Variants in OGN observed in about 807,000 individuals in gnomAD.
The protein encoded by OGN is mimecan.
OGN carries 19 observed loss-of-function variants against 30.8 expected under a neutral mutation model. The ratio of observed to expected loss-of-function variants is 0.62; its 90% CI spans 0.43 to 0.90. OGN has a LOEUF of 0.90. Among genes scored for constraint, OGN ranks in the 40% least tolerant of loss-of-function variants. The probability of loss-of-function intolerance (pLI) is 0.00; values close to 1 mark genes in which losing one functional copy is unlikely to be tolerated. For missense variants in OGN, 283 were observed against 349.7 expected, an observed-to-expected ratio of 0.81 and a Z score of 1.52; for synonymous variants, 126 against 128.3, an observed-to-expected ratio of 0.98 and a Z score of 0.12.
At chr9:92,386,174 C>A in intron 6 of OGN, 27 bp downstream of exon 6, 1 of 1,476,724 alleles carries the variant, frequency 6.8e-7, no homozygotes, top group South Asian at 1.1e-5. Flanking sequence ...TAATTAGAGT[C>A]AGATATTGTG....
At chr9:92,401,028 G>T in intron 3 of OGN, 64 bp downstream of exon 3, 1 of 766,962 alleles carries the variant, frequency 1.3e-6, no homozygotes, top group Non-Finnish European at 2.2e-6. Flanking sequence ...ATTACCACAA[G>T]GAATAAAGTC....
intron 3 of OGN, among the ~76,000 whole-genome samples, chr9:92,396,145 G>T (rs750787566): frequency 6.6e-6 from 1 of 152,024 alleles, no homozygotes; most frequent in Non-Finnish European, 1.5e-5. Flanking sequence ...GAATTGTATT[G>T]TCACATTGTC....
intron 4 of OGN, among the ~76,000 whole-genome samples, chr9:92,391,939 G>T (rs1335978403): frequency 6.6e-6 from 1 of 151,558 alleles, no homozygotes; most frequent in Non-Finnish European, 1.5e-5. Flanking sequence ...TCCACATTTG[G>T]GAGCTATCAG....
At position 92,403,434 on chromosome 9, in the gene OGN, G is replaced by A. The variant is rs757629271; in HGVS notation, c.-27C>T. 3.1e-5 allele frequency: 50 copies of A among 1,587,566 alleles called. No individual in the cohort carries two copies. Among genetic ancestry groups the A allele is most frequent in the Non-Finnish European group, 3.8e-5 (44 of 1,169,132 alleles). On this transcript the variant is annotated 5_prime_UTR_variant, in exon 2 of 7. Coordinates refer to ENST00000375561, the MANE Select transcript of OGN (RefSeq NM_014057.5). ...TTAGCAAAAATCAAGGTGACTGGAA[G>A]TTAATAAACTAGTGGCCTGCTGACT...
chr9:92,399,821 G>A (rs1355319313), intron 3 of OGN, among the ~76,000 whole-genome samples: 1 of 152,008 alleles, frequency 6.6e-6, no homozygotes, highest in Non-Finnish European at 1.5e-5. Flanking sequence ...GTGTATTTTT[G>A]TCTGTTTCTG....
intron 6 of OGN, 34 bp downstream of exon 6, chr9:92,386,167 T>A: frequency 1.4e-6 from 2 of 1,459,042 alleles, no homozygotes; most frequent in Non-Finnish European, 1.9e-6. Context: ...TCATAGGTAA[T>A]TAGAGTCAGA....
At chr9:92,388,848 A>T (rs1357762746) in intron 5 of OGN, among the ~76,000 whole-genome samples, 1 of 151,864 alleles carries the variant, frequency 6.6e-6, no homozygotes, top group Non-Finnish European at 1.5e-5. Context: ...AAAAAAAAAA[A>T]AGGTGTATCT....
intron 3 of OGN, among the ~76,000 whole-genome samples, chr9:92,396,940 C>T (rs1842915994): frequency 6.6e-6 from 1 of 151,992 alleles, no homozygotes; most frequent in Non-Finnish European, 1.5e-5. Context: ...CTTTTAGAGG[C>T]TGAGGCAGGT....
intron 5 of OGN, among the ~76,000 whole-genome samples, chr9:92,389,465 A>T (rs1842577565): frequency 6.6e-6 from 1 of 152,060 alleles, no homozygotes; most frequent in African/African-American, 2.4e-5. Context: ...TTGGATCTTT[A>T]TTTTTTTCTG....
In OGN at chr9:92,385,757, A is replaced by C. The variant is rs1564289639; in HGVS notation, c.760T>G (p.Phe254Val). The C allele has an allele frequency of 6.2e-7, 1 of 1,614,044 alleles. No individual in the cohort carries two copies. Among genetic ancestry groups the C allele is most frequent in the African/African-American group, 1.3e-5 (1 of 74,934 alleles). Residue 254 changes from phenylalanine to valine, a missense_variant, in exon 7 of 7, where the codon TTC (phenylalanine) becomes GTC (valine). Transcript: ENST00000375561. ...NNIASITDDT[F>V]CKANDTSYIR... ...TAACTGGTGTCATTAGCCTTGCAGA[A>C]TGTGTCATCTGTAATTGAAGCTATG...
chr9:92,403,208 C>T (rs778222595), intron 2 of OGN, 26 bp downstream of exon 2: 7 of 1,470,154 alleles, frequency 4.8e-6, no homozygotes, highest in Non-Finnish European at 6.5e-6. Context: ...ATTTTAGAAG[C>T]TAAATTTAGA....
chr9:92,400,566 T>A (rs1369543254), intron 3 of OGN, among the ~76,000 whole-genome samples: 2 of 152,240 alleles, frequency 1.3e-5, no homozygotes, highest in Non-Finnish European at 2.9e-5. Context: ...AATTAATATG[T>A]GGTTTTTGTC....
intron 2 of OGN, among the ~76,000 whole-genome samples, chr9:92,401,753 G>C (rs1040817856): frequency 6.6e-5 from 10 of 152,130 alleles, no homozygotes; most frequent in African/African-American, 2.4e-4. Flanking sequence ...TTGGGCCACT[G>C]GGGTAGGCCA....
rs1438366253 is a variant in OGN at position 92,385,325 on chromosome 9, A to G, written c.*295T>C. The G allele has an allele frequency of 4.0e-6, 1 of 250,732 alleles. No individual in the cohort carries two copies. Among genetic ancestry groups the G allele is most frequent in the East Asian group, 9.7e-5 (1 of 10,324 alleles). The allele number at this position is 250,732 out of a possible 1,614,324, so 15.5% of individuals were successfully genotyped here. Reference sequence around the variant, plus strand: ...ACATCATTAGTAATAGGAATAATGCATCTCAAATTTGGGCATTTATATAAA... The same window carrying G: ...ACATCATTAGTAATAGGAATAATGCGTCTCAAATTTGGGCATTTATATAAA... On this transcript the variant is annotated 3_prime_UTR_variant, in exon 7 of 7. Transcript: ENST00000375561.
chr9:92,391,166 G>A (rs888463222), intron 4 of OGN, among the ~76,000 whole-genome samples: 2 of 151,946 alleles, frequency 1.3e-5, no homozygotes, highest in Non-Finnish European at 2.9e-5. Flanking sequence ...GGAGGCCAAG[G>A]TGGGCGGATC....
rs1431101391 is a variant in OGN, at chr9:92,385,251, G to T, written c.*369C>A. On this transcript the variant is annotated 3_prime_UTR_variant, in exon 7 of 7. Coordinates refer to ENST00000375561, the MANE Select transcript of OGN (RefSeq NM_014057.5). Reference sequence around the variant, plus strand: ...TAAATGCTTTTGGGATCCAGTAAAGGCCAGGAAAGGCAAAGAGTTGAAAGT... The same window carrying T: ...TAAATGCTTTTGGGATCCAGTAAAGTCCAGGAAAGGCAAAGAGTTGAAAGT... 1.8e-5 allele frequency: 3 copies of T among 163,560 alleles called. No homozygotes were observed. The highest frequency in any genetic ancestry group is 7.2e-5 in the African/African-American group (3 of 41,776). 10.1% of individuals were successfully genotyped at this position (163,560 alleles called of 1,614,324 possible). A position where few individuals can be genotyped will look rare whatever the true frequency, so the allele number is the denominator to read the frequency against.
At chr9:92,401,534 A>T (rs904682834) in intron 2 of OGN, among the ~76,000 whole-genome samples, 2 of 152,086 alleles carry the variant, frequency 1.3e-5, no homozygotes, top group Admixed American at 1.3e-4. Context: ...CTGAGGTGAA[A>T]CTGTTCCTCA....
chr9:92,403,418 A>G lies in OGN; in HGVS notation c.-11T>C. ...CTGCAGAGTCTTCATTTTAGCAAAA[A>G]TCAAGGTGACTGGAAGTTAATAAAC... On this transcript the variant is annotated 5_prime_UTR_variant, in exon 2 of 7. Coordinates refer to ENST00000375561, the MANE Select transcript of OGN (RefSeq NM_014057.5). 1 of 1,592,832 alleles carries G rather than the reference A, an allele frequency of 6.3e-7. No individual in the cohort carries two copies.
intron 6 of OGN, 22 bp from the exon 7 acceptor site, chr9:92,385,812 A>T: frequency 6.2e-7 from 1 of 1,613,306 alleles, no homozygotes; most frequent in Non-Finnish European, 8.5e-7. Context: ...CGAGGAAAAC[A>T]TTGTTCAGAA....
Sources: allele counts gnomAD v4.1 joint callset (sites outside exome capture counted in the v4.1 genomes callset), GRCh38; gene constraint gnomAD v4.1.1; transcripts MANE v1.5; gene names NCBI Gene and HGNC (gene_info 2026-07-23, HGNC 2026-07-21).